The following GPC3 variants were observed in gnomAD, a reference collection of about 807,000 sequenced individuals.
GPC3 encodes glypican 3.
GPC3 carries 3 observed loss-of-function variants against 34.4 expected under a neutral mutation model. The observed-to-expected ratio is 0.09, with a 90% CI of 0.04 to 0.23. GPC3 has a LOEUF of 0.23. Ranked by LOEUF, GPC3 falls within the 10% of genes least tolerant of loss-of-function variation. The pLI, the probability that GPC3 is intolerant of heterozygous loss-of-function variation, is 1.00. For missense variants in GPC3, 351 were observed against 445.6 expected (o/e 0.79, Z 1.91); for synonymous variants, 177 against 174.0 (o/e 1.02, Z -0.13).
chrX:133,676,027 C>T (rs1393916403), intron 5 of GPC3, among the ~76,000 whole-genome samples: 1 of 112,067 alleles, frequency 8.9e-6, no homozygotes, highest in Non-Finnish European at 1.9e-5. Flanking sequence ...TGTTGGATTC[C>T]CACTGCAAAC....
intron 7 of GPC3, among the ~76,000 whole-genome samples, chrX:133,557,068 C>T (rs186875093): frequency 0.05 from 5,470 of 109,266 alleles, 359 homozygotes; most frequent in African/African-American, 0.17. Flanking sequence ...CCGAGGCAGG[C>T]GGATCATGAG....
chrX:133,760,981 T>A (rs181676050), intron 2 of GPC3, among the ~76,000 whole-genome samples: 1,837 of 110,961 alleles, frequency 0.017, 20 homozygotes, highest in Middle Eastern at 0.023. Context: ...TTTTTTTTTT[T>A]AAAAACTAGA....
At chrX:133,901,480 C>T (rs1027910261) in intron 2 of GPC3, among the ~76,000 whole-genome samples, 4 of 110,874 alleles carry the variant, frequency 3.6e-5, no homozygotes, top group Non-Finnish European at 5.7e-5. Flanking sequence ...CTCGCTCTGA[C>T]ACCAGGCTGC....
Position 133,819,030 on chromosome X carries a change from A to G in GPC3, c.338-64854T>C, listed in dbSNP as rs747920453. 2.5e-4 allele frequency among the ~76,000 whole-genome samples: 27 copies of G among 107,809 alleles called. No homozygotes were observed. In the South Asian group the frequency reaches 0.011, roughly 45 times the overall value. 93.6% of individuals were successfully genotyped at this position (107,809 alleles called of 115,157 possible). ...TATTATACTTTAAGTTTTAGGGTAC[A>G]TGTGCGCAATGTGCAGGTTAGTTAC... On this transcript the variant is annotated intron_variant, in intron 2 of 7. Coordinates refer to ENST00000370818, the MANE Select transcript of GPC3 (RefSeq NM_004484.4).
At chrX:133,910,886 G>C (rs1470870156) in intron 2 of GPC3, among the ~76,000 whole-genome samples, 1 of 111,670 alleles carries the variant, frequency 9.0e-6, no homozygotes, top group African/African-American at 3.3e-5. Context: ...CAGCCCAAGA[G>C]AATATTGAGT....
At chrX:133,924,703 C>G (rs1166357089) in intron 2 of GPC3, among the ~76,000 whole-genome samples, 1 of 111,883 alleles carries the variant, frequency 8.9e-6, no homozygotes, top group Non-Finnish European at 1.9e-5. Context: ...GGGACTTAGG[C>G]CCTGCTCAAA....
At chrX:133,852,795 C>T (rs761330988) in intron 2 of GPC3, among the ~76,000 whole-genome samples, 1 of 110,500 alleles carries the variant, frequency 9.0e-6, no homozygotes, top group East Asian at 2.8e-4. Flanking sequence ...TCAAATACTG[C>T]TGTTCTCTTT....
intron 7 of GPC3, among the ~76,000 whole-genome samples, chrX:133,591,651 T>TA (rs1178991416): frequency 8.9e-6 from 1 of 112,051 alleles, no homozygotes; most frequent in East Asian, 2.8e-4. Flanking sequence ...TTTTACACGA[T>TA]AAATGTGTAT....
intron 3 of GPC3, among the ~76,000 whole-genome samples, chrX:133,727,453 G>A (rs1365631927): frequency 9.1e-6 from 1 of 110,495 alleles, no homozygotes; most frequent in Non-Finnish European, 1.9e-5. Context: ...ATGAGGCTGA[G>A]GCAGGAGAAT....
chrX:133,853,964 A>T, intron 2 of GPC3, among the ~76,000 whole-genome samples: 1 of 111,943 alleles, frequency 8.9e-6, no homozygotes, highest in Admixed American at 9.5e-5. Context: ...CTTATCCAAA[A>T]ATTTTTCCAC....
At chrX:133,752,608 C>T (rs1415541634) in intron 3 of GPC3, among the ~76,000 whole-genome samples, 1 of 111,519 alleles carries the variant, frequency 9.0e-6, no homozygotes, top group South Asian at 3.8e-4. Flanking sequence ...ACATGTTCTG[C>T]TATATATTGG....
At chrX:133,944,516 G>A (rs1408412924) in intron 2 of GPC3, among the ~76,000 whole-genome samples, 1 of 111,181 alleles carries the variant, frequency 9.0e-6, no homozygotes, top group African/African-American at 3.3e-5. Context: ...AGACCACTAC[G>A]GGACCATTTA....
intron 2 of GPC3, among the ~76,000 whole-genome samples, chrX:133,932,185 A>G (rs979130143): frequency 3.6e-5 from 4 of 112,472 alleles, no homozygotes; most frequent in Non-Finnish European, 7.5e-5. Flanking sequence ...AGAGAACTAA[A>G]TGGTAGACAG....
chrX:133,591,486 A>G (rs2069847339), intron 7 of GPC3, among the ~76,000 whole-genome samples: 1 of 111,786 alleles, frequency 8.9e-6, no homozygotes, highest in Admixed American at 9.5e-5. Context: ...AAGGAACTTC[A>G]GGCTGGTAGG....
chrX:133,632,130 C>G (rs1416742971), intron 6 of GPC3, among the ~76,000 whole-genome samples: 1 of 109,373 alleles, frequency 9.1e-6, no homozygotes, highest in Non-Finnish European at 1.9e-5. Context: ...GACAGTGTCT[C>G]CCTCTGTTGC....
intron 2 of GPC3, among the ~76,000 whole-genome samples, chrX:133,883,424 T>G (rs2076050396): frequency 8.9e-6 from 1 of 111,956 alleles, no homozygotes; most frequent in Non-Finnish European, 1.9e-5. Context: ...ATAAGATTCT[T>G]AATACAACAT....
intron 2 of GPC3, among the ~76,000 whole-genome samples, chrX:133,784,005 G>A (rs975291701): frequency 3.6e-5 from 4 of 111,576 alleles, no homozygotes; most frequent in Non-Finnish European, 7.5e-5. Flanking sequence ...CTTTAGTAAC[G>A]AGAAACCTTA....
Position 133,755,115 on chromosome X carries a change from G to A in GPC3, c.338-939C>T, listed in dbSNP as rs192122551. 2.9e-3 allele frequency among the ~76,000 whole-genome samples: 326 copies of A among 111,965 alleles called. 3 individuals are homozygous for A. The highest frequency in any genetic ancestry group is 4.6e-3 in the Non-Finnish European group (244 of 53,170). On this transcript the variant is annotated intron_variant, in intron 2 of 7. Coordinates refer to ENST00000370818, the MANE Select transcript of GPC3 (RefSeq NM_004484.4). Reference sequence around the variant, plus strand: ...AATCAGAGTCTACATTTACATGAGGGAAGGAAAAACAACCACAATAGGCTT... The same window carrying A: ...AATCAGAGTCTACATTTACATGAGGAAAGGAAAAACAACCACAATAGGCTT...
intron 2 of GPC3, among the ~76,000 whole-genome samples, chrX:133,904,790 T>C (rs1371181619): frequency 2.7e-5 from 3 of 111,663 alleles, no homozygotes; most frequent in African/African-American, 9.8e-5. Context: ...ACCTAAGTCA[T>C]TGATGAGGCA....
Sources: gnomAD v4.1 joint callset for allele counts (sites outside exome capture counted in the v4.1 genomes callset) on GRCh38, gnomAD v4.1.1 for gene constraint, MANE v1.5 for transcripts, NCBI Gene and HGNC (gene_info 2026-07-23, HGNC 2026-07-21) for gene names.